SLC35F4: variants seen among roughly 807,000 people sequenced by gnomAD.
The protein encoded by SLC35F4 is solute carrier family 35 member F4.
SLC35F4 carries 24 observed loss-of-function variants against 44.2 expected under a neutral mutation model. That is an observed-to-expected ratio of 0.54 (90% confidence interval 0.39 to 0.76). SLC35F4 has a LOEUF of 0.76. SLC35F4 is among the 30% of genes least tolerant of loss of function. The pLI is 0.00. For synonymous variants in SLC35F4, 238 were observed against 223.6 expected (o/e 1.06, Z -0.57); for missense variants, 562 against 586.1 (o/e 0.96, Z 0.42).
At chr14:57,804,951 G>A (rs564967484) in intron 1 of SLC35F4, among the ~76,000 whole-genome samples, 1 of 152,188 alleles carries the variant, frequency 6.6e-6, no homozygotes, top group South Asian at 2.1e-4. Flanking sequence ...CCATTAAAAA[G>A]TAGGCAATGG....
intron 1 of SLC35F4, among the ~76,000 whole-genome samples, chr14:57,919,610 T>C (rs1288392135): frequency 1.3e-5 from 2 of 152,100 alleles, no homozygotes; most frequent in African/African-American, 2.4e-5. Flanking sequence ...GACCAGTAAC[T>C]AAGACCACCA....
intron 1 of SLC35F4, among the ~76,000 whole-genome samples, chr14:57,880,207 T>C (rs1888503896): frequency 6.6e-6 from 1 of 152,172 alleles, no homozygotes; most frequent in Non-Finnish European, 1.5e-5. Context: ...CCTAGAACTA[T>C]CATGAGGATA....
intron 1 of SLC35F4, among the ~76,000 whole-genome samples, chr14:57,719,243 G>T (rs924431799): frequency 2.6e-5 from 4 of 152,128 alleles, no homozygotes; most frequent in Non-Finnish European, 5.9e-5. Flanking sequence ...CTATATCTCT[G>T]TAGTGTAATT....
At chr14:57,884,675 T>A (rs1223270497) in intron 1 of SLC35F4, among the ~76,000 whole-genome samples, 1 of 152,178 alleles carries the variant, frequency 6.6e-6, no homozygotes, top group Non-Finnish European at 1.5e-5. Context: ...GAAAGTAAGT[T>A]CTTAAAGTTT....
intron 1 of SLC35F4, among the ~76,000 whole-genome samples, chr14:57,808,499 A>G (rs1956695): frequency 0.38 from 57,653 of 151,820 alleles, 11,847 homozygotes; most frequent in African/African-American, 0.49. Flanking sequence ...ATAGCTGTTA[A>G]TGATTATTTG....
At chr14:57,860,014 C>T (rs973716650) in intron 1 of SLC35F4, among the ~76,000 whole-genome samples, 16 of 151,990 alleles carry the variant, frequency 1.1e-4, no homozygotes. Context: ...AAAAAGTGGG[C>T]CTAGAATTAC....
At chr14:57,572,982 A>T (rs1247139135) in intron 4 of SLC35F4, among the ~76,000 whole-genome samples, 1 of 138,804 alleles carries the variant, frequency 7.2e-6, no homozygotes, top group East Asian at 1.9e-4. Context: ...ATTTAAACCT[A>T]CATGGTGATT....
At chr14:57,767,964 A>G (rs1055186025) in intron 1 of SLC35F4, among the ~76,000 whole-genome samples, 1 of 152,224 alleles carries the variant, frequency 6.6e-6, no homozygotes, top group Non-Finnish European at 1.5e-5. Context: ...GGTGAACTAG[A>G]TAACACAAAT....
chr14:57,848,063 T>C (rs901768172), intron 1 of SLC35F4, among the ~76,000 whole-genome samples: 3 of 152,214 alleles, frequency 2.0e-5, no homozygotes, highest in African/African-American at 7.2e-5. Context: ...AAATGACTTG[T>C]CAGGCCTGAG....
At chr14:57,571,232 TG>T (rs2068485963) in intron 5 of SLC35F4, among the ~76,000 whole-genome samples, 1 of 152,224 alleles carries the variant, frequency 6.6e-6, no homozygotes, top group Non-Finnish European at 1.5e-5. Flanking sequence ...GCTCTCTTAG[TG>T]CTCACTTCTG....
At chr14:57,647,387 T>C (rs2073579451) in intron 1 of SLC35F4, among the ~76,000 whole-genome samples, 1 of 152,180 alleles carries the variant, frequency 6.6e-6, no homozygotes, top group Admixed American at 6.5e-5. Context: ...ATGGCCTTCT[T>C]TGTCTCTTTT....
intron 1 of SLC35F4, among the ~76,000 whole-genome samples, chr14:57,619,085 C>T (rs942234044): frequency 6.6e-6 from 1 of 152,132 alleles, no homozygotes; most frequent in African/African-American, 2.4e-5. Context: ...GGACAGAGAA[C>T]CTAGGGAAAG....
intron 1 of SLC35F4, among the ~76,000 whole-genome samples, chr14:57,924,065 C>T (rs1390942578): frequency 1.3e-4 from 20 of 152,186 alleles, no homozygotes; most frequent in Admixed American, 1.2e-3. Context: ...TCTCTCTTTG[C>T]CTGCTGCCAT....
chr14:57,741,279 A>T (rs2088536638), intron 1 of SLC35F4, among the ~76,000 whole-genome samples: 1 of 152,086 alleles, frequency 6.6e-6, no homozygotes, highest in Non-Finnish European at 1.5e-5. Context: ...ATCGGTAATA[A>T]CAAACTTCTC....
At chr14:57,583,262 A>C (rs2069428764) in intron 3 of SLC35F4, among the ~76,000 whole-genome samples, 1 of 152,210 alleles carries the variant, frequency 6.6e-6, no homozygotes, top group Non-Finnish European at 1.5e-5. Flanking sequence ...TCCTGGGCAC[A>C]AAGTTCATTT....
At chr14:57,779,216 T>A (rs1413212930) in intron 1 of SLC35F4, among the ~76,000 whole-genome samples, 1 of 151,724 alleles carries the variant, frequency 6.6e-6, no homozygotes, top group African/African-American at 2.4e-5. Context: ...TTTGAAAAAA[T>A]TCATAAACTA....
At chr14:57,843,803 C>G (rs1312071163) in intron 1 of SLC35F4, among the ~76,000 whole-genome samples, 1 of 152,038 alleles carries the variant, frequency 6.6e-6, no homozygotes, top group Non-Finnish European at 1.5e-5. Context: ...CTCAAAATCC[C>G]CAAACAATTT....
chr14:57,849,079 C>G (rs996940158), intron 1 of SLC35F4, among the ~76,000 whole-genome samples: 11 of 152,180 alleles, frequency 7.2e-5, no homozygotes, highest in Admixed American at 2.0e-4. Context: ...AGTTCTTGAC[C>G]ACTTCAGCCA....
intron 1 of SLC35F4, 134 bp from the exon 2 acceptor site, chr14:57,594,258 C>G (rs149152522): frequency 3.5e-6 from 3 of 851,236 alleles, no homozygotes; most frequent in Non-Finnish European, 5.2e-6. Flanking sequence ...GGTGTGATCT[C>G]GAGTCACTGC....
Sources: allele counts gnomAD v4.1 joint callset (sites outside exome capture counted in the v4.1 genomes callset), GRCh38; gene constraint gnomAD v4.1.1; transcripts MANE v1.5; gene names NCBI Gene and HGNC (gene_info 2026-07-23, HGNC 2026-07-21).